Variants in GPHN observed in about 807,000 individuals in gnomAD.
The protein encoded by GPHN is gephyrin.
In GPHN, 17 loss-of-function variants were observed where a neutral mutation model predicts 95.5. That is an observed-to-expected ratio of 0.18 (90% CI 0.12 to 0.27). The LOEUF (loss-of-function observed/expected upper bound fraction) is 0.27. Ranked by LOEUF, GPHN falls within the 10% of genes least tolerant of loss-of-function variation. The probability of loss-of-function intolerance (pLI) is 1.00; values close to 1 mark genes in which losing one functional copy is unlikely to be tolerated. For missense variants in GPHN, 660 were observed against 978.1 expected (o/e 0.67, Z 4.34); for synonymous variants, 320 against 322.5 (o/e 0.99, Z 0.08).
chr14:67,405,041 G>A, the GPHN span, among the ~76,000 whole-genome samples: 2 of 151,304 alleles, frequency 1.3e-5, no homozygotes, highest in East Asian at 2.0e-4. Flanking sequence ...CAAGACCACC[G>A]TGGCCAACAT....
chr14:67,546,200 G>A, the GPHN span, among the ~76,000 whole-genome samples: 4 of 152,210 alleles, frequency 2.6e-5, no homozygotes, highest in Non-Finnish European at 5.9e-5. Context: ...AACGCCGGGG[G>A]AAGGGGGTAA....
At chr14:67,248,582 C>A in the GPHN span, among the ~76,000 whole-genome samples, 2 of 152,082 alleles carry the variant, frequency 1.3e-5, no homozygotes, top group African/African-American at 4.8e-5. Flanking sequence ...CCCTCAAAGA[C>A]GTTGAAATTT....
intron 4 of GPHN, among the ~76,000 whole-genome samples, chr14:66,862,320 C>G (rs1488439966): frequency 6.6e-6 from 1 of 151,862 alleles, no homozygotes; most frequent in South Asian, 2.1e-4. Context: ...AGAGCAATAA[C>G]AAATATCAAG....
At chr14:66,914,238 A>G (rs2065805622) in intron 5 of GPHN, among the ~76,000 whole-genome samples, 1 of 152,152 alleles carries the variant, frequency 6.6e-6, no homozygotes, top group Non-Finnish European at 1.5e-5. Flanking sequence ...GGAGACATAA[A>G]AAGCCTGGAT....
chr14:66,539,475 C>T (rs907112428), intron 1 of GPHN, among the ~76,000 whole-genome samples: 1 of 132,262 alleles, frequency 7.6e-6, no homozygotes, highest in South Asian at 2.4e-4. Context: ...AGTGCAATGG[C>T]GTGATCTCGG....
At chr14:66,863,480 T>C (rs1190760696) in intron 4 of GPHN, among the ~76,000 whole-genome samples, 1 of 151,998 alleles carries the variant, frequency 6.6e-6, no homozygotes, top group Non-Finnish European at 1.5e-5. Context: ...ATAAAATTTA[T>C]CAGGAACCGC....
At chr14:67,671,024 G>A in the GPHN span, among the ~76,000 whole-genome samples, 1 of 152,134 alleles carries the variant, frequency 6.6e-6, no homozygotes, top group East Asian at 1.9e-4. Context: ...ACTTTATGAT[G>A]TGGTCTCTGA....
the GPHN span, among the ~76,000 whole-genome samples, chr14:67,238,269 CTTTT>C: frequency 3.2e-5 from 4 of 125,242 alleles, no homozygotes; most frequent in African/African-American, 9.5e-5. Flanking sequence ...TTCTTGCTTT[CTTTT>C]TTTTTTTTTT....
At chr14:67,587,277 G>A in the GPHN span, 1 of 1,609,156 alleles carries the variant, frequency 6.2e-7, no homozygotes, top group South Asian at 1.1e-5. Flanking sequence ...TAGTGCCTCT[G>A]GATTTAGAGA....
At chr14:67,679,426 C>T in the GPHN span, among the ~76,000 whole-genome samples, 3 of 137,388 alleles carry the variant, frequency 2.2e-5, no homozygotes, top group East Asian at 2.0e-4. Context: ...TTTTTGGAGG[C>T]GGAGTCTCAC....
chr14:66,541,754 G>C (rs761125463), intron 1 of GPHN, among the ~76,000 whole-genome samples: 44 of 152,296 alleles, frequency 2.9e-4, no homozygotes, highest in Non-Finnish European at 5.0e-4. Flanking sequence ...TTTTAGTTTT[G>C]CATTAGGTTC....
chr14:67,733,331 C>T, the GPHN span, among the ~76,000 whole-genome samples: 2,368 of 152,238 alleles, frequency 0.016, 73 homozygotes, highest in African/African-American at 0.054. Context: ...TTAATTTAAC[C>T]TCCAACTGAG....
At chr14:67,531,999 C>T in the GPHN span, among the ~76,000 whole-genome samples, 2 of 151,110 alleles carry the variant, frequency 1.3e-5, no homozygotes, top group African/African-American at 4.9e-5. Context: ...CCTTATGCAA[C>T]TTCTGGAATG....
At chr14:67,131,636 T>C (rs897759701) in intron 17 of GPHN, among the ~76,000 whole-genome samples, 1 of 152,266 alleles carries the variant, frequency 6.6e-6, no homozygotes, top group East Asian at 1.9e-4. Flanking sequence ...TCATTTTATA[T>C]TTCTGAAGAA....
intron 2 of GPHN, among the ~76,000 whole-genome samples, chr14:66,701,724 T>C (rs1256704900): frequency 6.6e-6 from 1 of 152,212 alleles, no homozygotes; most frequent in Non-Finnish European, 1.5e-5. Context: ...CCCAGAGCCA[T>C]GTAGATTCTC....
chr14:66,757,292 T>G (rs2153450898), intron 2 of GPHN, among the ~76,000 whole-genome samples: 1 of 152,122 alleles, frequency 6.6e-6, no homozygotes, highest in Non-Finnish European at 1.5e-5. Flanking sequence ...GTCAGAAAAA[T>G]ATGCACAATA....
the GPHN span, among the ~76,000 whole-genome samples, chr14:67,642,788 A>ATTTTTTTTTTTTTT: frequency 3.0e-5 from 1 of 33,734 alleles, no homozygotes; most frequent in African/African-American, 8.4e-5. Flanking sequence ...ATGTTACTAC[A>ATTTTTTTTTTTTTT]TTTTCTTTTT....
the GPHN span, among the ~76,000 whole-genome samples, chr14:67,511,249 C>T: frequency 1.3e-5 from 2 of 152,132 alleles, no homozygotes; most frequent in Non-Finnish European, 2.9e-5. Context: ...GAATGAGGGG[C>T]TTTTGGAAAG....
intron 4 of GPHN, among the ~76,000 whole-genome samples, chr14:66,851,865 A>C (rs2062597717): frequency 6.6e-6 from 1 of 152,210 alleles, no homozygotes; most frequent in Non-Finnish European, 1.5e-5. Context: ...CTGTAGCACC[A>C]ATCAGGAGGT....
Sources: gnomAD v4.1 joint callset for allele counts (sites outside exome capture counted in the v4.1 genomes callset) on GRCh38, gnomAD v4.1.1 for gene constraint, MANE v1.5 for transcripts, NCBI Gene and HGNC (gene_info 2026-07-23, HGNC 2026-07-21) for gene names.